GCSAML: variants seen among roughly 807,000 people sequenced by gnomAD.
GCSAML encodes the protein germinal center associated signaling and motility like.
In GCSAML, 9 loss-of-function variants were observed where a neutral mutation model predicts 13.0. The observed-to-expected ratio is 0.69, with a 90% confidence interval of 0.42 to 1.21. The LOEUF (loss-of-function observed/expected upper bound fraction) is 1.21, where lower values mean the gene tolerates loss of function less well. Among genes scored for constraint, GCSAML ranks in the 50% most tolerant of loss-of-function variants. GCSAML has a pLI of 0.00. For synonymous variants in GCSAML, 37 were observed against 52.9 expected (o/e 0.70, Z 1.31); for missense variants, 143 against 153.4 (o/e 0.93, Z 0.36).
intron 2 of GCSAML, among the ~76,000 whole-genome samples, chr1:247,540,252 C>T (rs563598941): frequency 1.3e-5 from 2 of 152,202 alleles, no homozygotes; most frequent in East Asian, 3.9e-4. Context: ...AGGCTGGTCT[C>T]GAACTCCTGA....
chr1:247,544,269 A>G (rs994544336), upstream of GCSAML, among the ~76,000 whole-genome samples: 2 of 152,206 alleles, frequency 1.3e-5, no homozygotes, highest in African/African-American at 4.8e-5. Context: ...CAGTCAGGAA[A>G]ACATTTTTAG....
chr1:247,571,991 T>C (rs1174548258), intron 4 of GCSAML, among the ~76,000 whole-genome samples: 1 of 152,218 alleles, frequency 6.6e-6, no homozygotes, highest in Non-Finnish European at 1.5e-5. Flanking sequence ...GCCCGATCAA[T>C]TTGGCTATTG....
At position 247,552,547 on chromosome 1, in the gene GCSAML, C is replaced by G. The variant is rs541560035; in HGVS notation, c.29+3327C>G. On this transcript the variant is annotated intron_variant, in intron 1 of 4. Coordinates refer to ENST00000366488, the MANE Select transcript of GCSAML (RefSeq NM_145278.5). ...AAGAGGGTGAAGTAAATGTAGACAT[C>G]GCCCATGGGCAGTGTCCATCACATA... 1.2e-4 allele frequency among the ~76,000 whole-genome samples: 18 copies of G among 152,316 alleles called. No individual in the cohort carries two copies. In the East Asian group the frequency reaches 3.5e-3, roughly 29 times the overall value.
chr1:247,522,534 G>A (rs1269949293), intron 1 of GCSAML, among the ~76,000 whole-genome samples: 3 of 152,166 alleles, frequency 2.0e-5, no homozygotes, highest in African/African-American at 7.2e-5. Flanking sequence ...TGTAGAAGGA[G>A]GTAGACATAG....
intron 4 of GCSAML, among the ~76,000 whole-genome samples, chr1:247,569,633 T>C (rs1405163252): frequency 6.6e-6 from 1 of 152,252 alleles, no homozygotes; most frequent in Admixed American, 6.5e-5. Context: ...GATGTTCGCA[T>C]TGATGTTCAT....
chr1:247,512,361 G>A lies in GCSAML; in HGVS notation c.-263+5128G>A, dbSNP rs142344042. Among the ~76,000 whole-genome samples, 1,087 of 151,858 alleles carry A rather than the reference G, an allele frequency of 7.2e-3. 11 individuals are homozygous for A. Among genetic ancestry groups the A allele is most frequent in the Non-Finnish European group, 0.01 (707 of 67,956 alleles). ...GTGATGTGTTTTTCAGCTCCATCAG[G>A]TCATTTATGTTCTTCTCTAAACTGG... On this transcript the variant is annotated intron_variant, in intron 1 of 5. Coordinates refer to the GCSAML transcript ENST00000366489.
At chr1:247,531,496 G>C (rs532048366) in intron 2 of GCSAML, 2 of 1,563,386 alleles carry the variant, frequency 1.3e-6, no homozygotes, top group Admixed American at 1.8e-5. Context: ...GTCTTCCAAG[G>C]TCACTTTGCT....
intron 1 of GCSAML, among the ~76,000 whole-genome samples, chr1:247,509,538 G>A (rs1378853745): frequency 3.3e-5 from 5 of 152,140 alleles, no homozygotes; most frequent in East Asian, 1.9e-4. Flanking sequence ...CCAATACTAC[G>A]TTGAATAGGA....
intron 1 of GCSAML, chr1:247,525,228 A>G (rs1291396135): frequency 6.6e-6 from 1 of 152,256 alleles, no homozygotes; most frequent in Non-Finnish European, 1.5e-5. Context: ...GGTTAAGCCC[A>G]TACACCAAGC....
intron 2 of GCSAML, chr1:247,528,365 C>T (rs1666767128): frequency 6.6e-6 from 1 of 152,184 alleles, no homozygotes; most frequent in African/African-American, 2.4e-5. Context: ...ACCTCAAACA[C>T]TTGTCATTTC....
At chr1:247,563,858 A>C (rs1668234526) in intron 3 of GCSAML, among the ~76,000 whole-genome samples, 1 of 152,220 alleles carries the variant, frequency 6.6e-6, no homozygotes, top group Non-Finnish European at 1.5e-5. Context: ...GAAAGAAGTT[A>C]ACCAAAATTC....
intron 4 of GCSAML, among the ~76,000 whole-genome samples, chr1:247,570,757 T>C (rs954117467): frequency 6.6e-6 from 1 of 152,194 alleles, no homozygotes; most frequent in Non-Finnish European, 1.5e-5. Flanking sequence ...AAGTCCTGAA[T>C]ATCCTTGTTA....
intron 2 of GCSAML, among the ~76,000 whole-genome samples, chr1:247,541,070 C>A (rs1048971088): frequency 5.9e-5 from 9 of 152,186 alleles, no homozygotes; most frequent in African/African-American, 2.2e-4. Context: ...ACTACTCAAG[C>A]CTTTTATTTT....
At chr1:247,540,903 C>T (rs1667392110) in intron 2 of GCSAML, among the ~76,000 whole-genome samples, 1 of 152,142 alleles carries the variant, frequency 6.6e-6, no homozygotes, top group South Asian at 2.1e-4. Flanking sequence ...AACTCAAGAG[C>T]CTTTGAGAAA....
intron 1 of GCSAML, among the ~76,000 whole-genome samples, chr1:247,521,843 C>T (rs1253510444): frequency 4.0e-5 from 6 of 151,532 alleles, no homozygotes; most frequent in African/African-American, 7.3e-5. Context: ...GGCTGCCCAT[C>T]GTCTGGGATG....
At chr1:247,521,823 A>G (rs6675591) in intron 1 of GCSAML, among the ~76,000 whole-genome samples, 148,487 of 150,174 alleles carry the variant, frequency 0.99, 73,421 homozygotes, top group East Asian at 1. Context: ...AGTGAGGAGC[A>G]TCTCTGCCTG....
In GCSAML at chr1:247,526,909, T is replaced by C. The variant is rs1159067101; in HGVS notation, c.-262-31T>C. The C allele has an allele frequency of 2.2e-6, 1 of 454,358 alleles. No individual in the cohort carries two copies. The highest frequency in any genetic ancestry group is 7.0e-5 in the East Asian group (1 of 14,364). The allele number at this position is 454,358 out of a possible 1,614,324, so 28.1% of individuals were successfully genotyped here. ...CCAAGTAAGATGGGACTTCCCTCTA[T>C]TTAGAAAGGTCTTCTTTCACTTTCT... On this transcript the variant is annotated intron_variant, in intron 1 of 5. Transcript: ENST00000366489. The surrounding 1 kb of genome is among the most constrained non-coding windows in gnomAD (Gnocchi z 4.8).
intron 4 of GCSAML, among the ~76,000 whole-genome samples, chr1:247,573,607 A>G (rs1259812795): frequency 1.3e-5 from 2 of 152,122 alleles, no homozygotes; most frequent in Non-Finnish European, 2.9e-5. Flanking sequence ...TCTTGCTGGG[A>G]GCTGCAGACT....
intron 4 of GCSAML, among the ~76,000 whole-genome samples, chr1:247,566,433 G>T (rs1668369357): frequency 6.6e-6 from 1 of 152,060 alleles, no homozygotes; most frequent in Admixed American, 6.6e-5. Flanking sequence ...GTAGAGACAG[G>T]GTTTCACTAT....
Sources: allele counts gnomAD v4.1 joint callset (sites outside exome capture counted in the v4.1 genomes callset), GRCh38; gene constraint gnomAD v4.1.1; non-coding constraint Gnocchi (gnomAD v3.1); transcripts MANE v1.5; gene names NCBI Gene and HGNC (gene_info 2026-07-23, HGNC 2026-07-21).